RPS3: variants seen among roughly 807,000 people sequenced by gnomAD.
RPS3 encodes the protein ribosomal protein S3, also known as small ribosomal subunit protein uS3.
In RPS3, 2 loss-of-function variants were observed where a neutral mutation model predicts 25.8. The observed-to-expected ratio is 0.08, with a 90% confidence interval of 0.03 to 0.24. The LOEUF is 0.24. Among genes scored for constraint, RPS3 ranks in the 10% least tolerant of loss-of-function variants. The pLI is 1.00. For missense variants in RPS3, 107 were observed against 307.1 expected (o/e 0.35, Z 4.87); for synonymous variants, 114 against 114.2 (o/e 1.00, Z 0.01).
chr11:75,402,697 A>G (rs1327491514), intron 4 of RPS3: 2 of 293,394 alleles, frequency 6.8e-6, no homozygotes, highest in Non-Finnish European at 1.3e-5. Flanking sequence ...GTTAAACACA[A>G]ATAGAACTGT....
downstream of RPS3, among the ~76,000 whole-genome samples, chr11:75,407,684 A>G (rs557409875): frequency 6.6e-6 from 1 of 151,066 alleles, no homozygotes; most frequent in Non-Finnish European, 1.5e-5. Context: ...GTTAGCCAGG[A>G]TGGTCTCGAT....
intron 6 of RPS3, among the ~76,000 whole-genome samples, chr11:75,416,121 G>C (rs925031359): frequency 1.3e-5 from 2 of 152,190 alleles, no homozygotes; most frequent in African/African-American, 4.8e-5. Flanking sequence ...CAACTTAGCA[G>C]TATGAGCGCA....
rs1948279809 is a variant in RPS3, at chr11:75,405,813, G to A, written c.*203G>A. 3.4e-6 allele frequency: 1 copy of A among 295,494 alleles called. No individual in the cohort carries two copies. The highest frequency in any genetic ancestry group is 6.7e-6 in the Non-Finnish European group (1 of 148,314). The allele number at this position is 295,494 out of a possible 1,614,324, so 18.3% of individuals were successfully genotyped here. On this transcript the variant is annotated 3_prime_UTR_variant, in exon 7 of 7. Coordinates refer to ENST00000531188, the MANE Select transcript of RPS3 (RefSeq NM_001005.5). ...CAAGGGCCAGAACAGTAAGACCCAA[G>A]CAGAGCCAACCAGAGAAATAATATT...
chr11:75,421,626 A>C (rs1198255882), intron 6 of RPS3: 4 of 152,238 alleles, frequency 2.6e-5, no homozygotes, highest in African/African-American at 9.7e-5. Flanking sequence ...GGCTTCTCAG[A>C]GGCCCATGGC....
downstream of RPS3, among the ~76,000 whole-genome samples, chr11:75,407,417 C>T (rs1948300271): frequency 6.6e-6 from 1 of 152,240 alleles, no homozygotes; most frequent in African/African-American, 2.4e-5. Context: ...GAATTACAGG[C>T]GTGAGCCACC....
intron 6 of RPS3, among the ~76,000 whole-genome samples, chr11:75,419,310 T>C (rs1592034385): frequency 6.6e-6 from 1 of 152,146 alleles, no homozygotes; most frequent in Admixed American, 6.5e-5. Context: ...TCCCAGCACT[T>C]TGGGAGGCTG....
chr11:75,399,628 G>C, intron 1 of RPS3, 51 bp downstream of exon 1: 1 of 1,549,096 alleles, frequency 6.5e-7, no homozygotes, highest in South Asian at 1.1e-5. Context: ...CGCGGGTCGA[G>C]GGCTTCTCGG....
intron 3 of RPS3, chr11:75,402,044 A>G: frequency 1.8e-6 from 1 of 545,426 alleles, no homozygotes. Context: ...TAGGTGGTAG[A>G]AGTGCTTTAG....
At chr11:75,403,948 C>A in intron 4 of RPS3, 72 bp from the exon 5 acceptor site, 16 of 1,436,442 alleles carry the variant, frequency 1.1e-5, no homozygotes, top group Non-Finnish European at 1.5e-5. Flanking sequence ...AAAACCAAGT[C>A]TTTGTTTTGT....
chr11:75,403,976 G>C (rs1244410443), intron 4 of RPS3, 44 bp from the exon 5 acceptor site: 2 of 1,561,574 alleles, frequency 1.3e-6, no homozygotes, highest in Non-Finnish European at 1.7e-6. Flanking sequence ...ACTTGGTGGA[G>C]GTCCTTGGCA....
In RPS3 at chr11:75,404,772, C is replaced by T. The variant is rs1027897699; in HGVS notation, c.639C>T (p.Pro213=). 1.2e-6 allele frequency: 2 copies of T among 1,613,542 alleles called. No individual in the cohort carries two copies. The highest frequency in any genetic ancestry group is 1.7e-5 in the Admixed American group (1 of 59,976). The change falls in exon 6 of 7, where the codon CCC becomes CCT. Residue 213 remains proline (P), a synonymous_variant. Coordinates refer to ENST00000531188, the MANE Select transcript of RPS3 (RefSeq NM_001005.5). The surrounding 1 kb of genome is among the most constrained non-coding windows in gnomAD (Gnocchi z 4.6). ...PLPDHVSIVE[P]KDEILPTTPI... is the part of the protein sequence containing the mutation. ...CTGACCACGTGAGCATTGTGGAACC[C>T]AAAGATGAGATACTGCCCACCACCC...
At chr11:75,403,909 T>C in intron 4 of RPS3, 111 bp from the exon 5 acceptor site, 1 of 1,026,636 alleles carries the variant, frequency 9.7e-7, no homozygotes, top group Non-Finnish European at 1.4e-6. Context: ...CGGACTCTGG[T>C]CAAATTATTC....
In RPS3 at chr11:75,415,156, T is replaced by C. The variant is rs140475570; in HGVS notation, c.*4-6571T>C. On this transcript the variant is annotated intron_variant, in intron 6 of 6. Transcript: ENST00000527446. ...TGGGAACACCTTCCTCTGCAGTGCT[T>C]TACTAAGGGGACTTGAGATGCGGGG... is the stretch of plus-strand genomic sequence containing the variant. 3.9e-3 allele frequency among the ~76,000 whole-genome samples: 592 copies of C among 152,258 alleles called. 6 individuals carry two copies. Among genetic ancestry groups the C allele is most frequent in the South Asian group, 7.7e-3 (37 of 4,812 alleles).
intron 4 of RPS3, chr11:75,403,667 G>A (rs1412499865): frequency 5.8e-6 from 1 of 171,992 alleles, no homozygotes; most frequent in Non-Finnish European, 1.2e-5. Flanking sequence ...TTATACATGA[G>A]AATCACCCAG....
chr11:75,400,275 T>G (rs1948187612), intron 1 of RPS3: 1 of 444,480 alleles, frequency 2.2e-6, no homozygotes, highest in South Asian at 1.7e-5. Flanking sequence ...GCTTATATGT[T>G]AAGTCTACTA....
downstream of RPS3, among the ~76,000 whole-genome samples, chr11:75,410,769 C>T (rs1283994794): frequency 2.6e-3 from 372 of 144,716 alleles, 3 homozygotes; most frequent in African/African-American, 9.2e-3. Flanking sequence ...GGATCACTCG[C>T]GGTTAGGAGC....
In RPS3 at chr11:75,404,391, G is replaced by C; in HGVS notation, c.538+184G>C. 1.3e-6 allele frequency: 1 copy of C among 794,080 alleles called. No homozygotes were observed. Among genetic ancestry groups the C allele is most frequent in the Non-Finnish European group, 2.2e-6 (1 of 447,956 alleles). 49.2% of individuals were successfully genotyped at this position (794,080 alleles called of 1,614,324 possible). A position where few individuals can be genotyped will look rare whatever the true frequency, so the allele number is the denominator to read the frequency against. On this transcript the variant is annotated intron_variant, in intron 5 of 6. Coordinates refer to ENST00000531188, the MANE Select transcript of RPS3 (RefSeq NM_001005.5). The surrounding 1 kb of genome is among the most constrained non-coding windows in gnomAD (Gnocchi z 4.6). ...TGAGATCTGTCAGATCCAAGAGTTG[G>C]TTTGTCCTTGTTTTAGCCATCTGTG...
intron 6 of RPS3, among the ~76,000 whole-genome samples, chr11:75,413,318 G>A (rs1006168349): frequency 6.6e-6 from 1 of 151,784 alleles, no homozygotes; most frequent in African/African-American, 2.4e-5. Context: ...TCGACTCACT[G>A]CGATCTCAGC....
intron 6 of RPS3, among the ~76,000 whole-genome samples, chr11:75,421,343 G>A (rs1229861497): frequency 6.6e-6 from 1 of 152,170 alleles, no homozygotes; most frequent in Admixed American, 6.5e-5. Flanking sequence ...GCAGATGATC[G>A]CTCTTCTTCC....
Sources: gnomAD v4.1 joint callset for allele counts (sites outside exome capture counted in the v4.1 genomes callset) on GRCh38, gnomAD v4.1.1 for gene constraint, Gnocchi (gnomAD v3.1) non-coding constraint, MANE v1.5 for transcripts, NCBI Gene and HGNC (gene_info 2026-07-23, HGNC 2026-07-21) for gene names.